ARID1A: variants seen among roughly 807,000 people sequenced by gnomAD.
The protein encoded by ARID1A is AT-rich interactive domain-containing protein 1A.
Under a neutral mutation model 212.6 loss-of-function variants are expected in ARID1A, and 20 were observed. That is an observed-to-expected ratio of 0.09 (90% confidence interval 0.07 to 0.14). ARID1A has a LOEUF of 0.14. ARID1A is among the 10% of genes least tolerant of loss of function. ARID1A has a pLI of 1.00. For missense variants in ARID1A, 2,587 were observed against 3,059.0 expected, an observed-to-expected ratio of 0.85 and a Z score of 3.64; for synonymous variants, 1,376 against 1,222.1, an observed-to-expected ratio of 1.13 and a Z score of -2.63.
rs142792458 is a variant in ARID1A, at chr1:26,732,617, G to A, written c.1804-59G>A. 543 of 1,377,634 alleles carry A rather than the reference G, an allele frequency of 3.9e-4. 1 individual carries two copies. In the African/African-American group the frequency reaches 4.8e-3, roughly 12 times the overall value. The allele number at this position is 1,377,634 out of a possible 1,614,324, so 85.3% of individuals were successfully genotyped here. On this transcript the variant is annotated intron_variant, in intron 3 of 19. Coordinates refer to ENST00000324856, the MANE Select transcript of ARID1A (RefSeq NM_006015.6). ...AGTCCCATAACCCTTTCACAGTGAA[G>A]TAAGCCTGCCTGGTTTATCAATACC... is the stretch of plus-strand genomic sequence containing the variant.
chr1:26,778,770 T>C (rs1291834960), intron 19 of ARID1A: 2 of 363,520 alleles, frequency 5.5e-6, no homozygotes, highest in East Asian at 8.2e-5. Flanking sequence ...CCCTGGTGGG[T>C]GAGGTGCAAA....
Position 26,780,877 on chromosome 1 carries a change from C to A in ARID1A, c.*121C>A. ...ATCCAGTTTACCCTGTGCTGTCCAG[C>A]TTCTCCCTTGGGAAAAAGTCTCTCC... On this transcript the variant is annotated 3_prime_UTR_variant, in exon 20 of 20. Transcript: ENST00000324856. The surrounding 1 kb of genome is among the most constrained non-coding windows in gnomAD (Gnocchi z 7.2). 7.3e-7 allele frequency: 1 copy of A among 1,378,524 alleles called. No individual in the cohort carries two copies. The highest frequency in any genetic ancestry group is 9.7e-7 in the Non-Finnish European group (1 of 1,029,596). The allele number at this position is 1,378,524 out of a possible 1,614,324, so 85.4% of individuals were successfully genotyped here.
chr1:26,758,912 C>T (rs1329448403), intron 4 of ARID1A, among the ~76,000 whole-genome samples: 2 of 152,214 alleles, frequency 1.3e-5, no homozygotes, highest in Non-Finnish European at 2.9e-5. Context: ...GCACACCTAC[C>T]TACCTGCCTT....
At chr1:26,732,524 G>A in intron 3 of ARID1A, 152 bp from the exon 4 acceptor site, 1 of 571,802 alleles carries the variant, frequency 1.7e-6, no homozygotes, top group Non-Finnish European at 3.1e-6. Context: ...ACCAGTCACA[G>A]CTTGGATTTT....
At chr1:26,717,360 C>T (rs1418750311) in intron 1 of ARID1A, among the ~76,000 whole-genome samples, 1 of 152,316 alleles carries the variant, frequency 6.6e-6, no homozygotes, top group South Asian at 2.1e-4. Context: ...ACCATTTGAA[C>T]TGTTTTGTAT....
chr1:26,772,358 A>T, intron 12 of ARID1A, 142 bp from the exon 13 acceptor site: 1 of 1,238,426 alleles, frequency 8.1e-7, no homozygotes, highest in African/African-American at 1.5e-5. Flanking sequence ...GGCCTTGTAG[A>T]TCCTCTGCTA....
At chr1:26,757,277 C>T (rs1328416697) in intron 4 of ARID1A, among the ~76,000 whole-genome samples, 1 of 148,124 alleles carries the variant, frequency 6.8e-6, no homozygotes, top group East Asian at 2.1e-4. Context: ...ACCATCCTGG[C>T]TAACATGGTG....
At chr1:26,701,414 C>T (rs948365350) in intron 1 of ARID1A, among the ~76,000 whole-genome samples, 7 of 152,174 alleles carry the variant, frequency 4.6e-5, no homozygotes, top group Middle Eastern at 6.8e-3. Flanking sequence ...TCATTACTGA[C>T]GCACACTTAC....
rs558399390 is a variant in ARID1A at position 26,718,326 on chromosome 1, T to C, written c.1138-11325T>C. Among the ~76,000 whole-genome samples, 8 of 152,298 alleles carry C rather than the reference T, an allele frequency of 5.3e-5. No individual in the cohort carries two copies. In the South Asian group the frequency reaches 1.7e-3, roughly 32 times the overall value. On this transcript the variant is annotated intron_variant, in intron 1 of 19. Transcript: ENST00000324856. ...TCGACCCTGAAGTGTGGTACTACTA[T>C]CTGTTCTGTTGATAAGGAAACAGAG...
At chr1:26,776,353 A>G (rs2081135813) in intron 19 of ARID1A, among the ~76,000 whole-genome samples, 1 of 150,568 alleles carries the variant, frequency 6.6e-6, no homozygotes, top group African/African-American at 2.5e-5. Flanking sequence ...AGCTCACTGC[A>G]ACTTCCGCCT....
At chr1:26,765,693 C>T (rs2081033146) in intron 8 of ARID1A, 2 of 151,146 alleles carry the variant, frequency 1.3e-5, no homozygotes, top group Admixed American at 1.3e-4. Context: ...GGAGAAAGCC[C>T]ATCTCTACTA....
chr1:26,734,740 G>A (rs958768433), intron 4 of ARID1A, among the ~76,000 whole-genome samples: 1 of 152,222 alleles, frequency 6.6e-6, no homozygotes, highest in Non-Finnish European at 1.5e-5. Flanking sequence ...AGCCCCATCT[G>A]AAGAAATGAC....
intron 1 of ARID1A, among the ~76,000 whole-genome samples, chr1:26,713,750 C>G (rs1455402795): frequency 2.0e-5 from 3 of 152,214 alleles, no homozygotes; most frequent in Non-Finnish European, 4.4e-5. Context: ...TAAATGGTCT[C>G]TACCTCTTCT....
intron 11 of ARID1A, chr1:26,770,291 T>A (rs2081072444): frequency 6.6e-6 from 1 of 151,960 alleles, no homozygotes; most frequent in African/African-American, 2.4e-5. Flanking sequence ...TATTTGTCAA[T>A]GAGATATGTA....
chr1:26,781,891 T>G lies in ARID1A; in HGVS notation c.*1135T>G. Reference sequence around the variant, plus strand: ...TCTTTCTAATCGAGGTGTGAAAAAGTTCTAGGTTCAGTTGAAGTTCTGATG... The same window carrying G: ...TCTTTCTAATCGAGGTGTGAAAAAGGTCTAGGTTCAGTTGAAGTTCTGATG... On this transcript the variant is annotated 3_prime_UTR_variant, in exon 20 of 20. Transcript: ENST00000324856. 8.6e-6 allele frequency: 2 copies of G among 233,710 alleles called. No homozygotes were observed. Among genetic ancestry groups the G allele is most frequent in the Non-Finnish European group, 1.7e-5 (2 of 118,050 alleles). 14.5% of individuals were successfully genotyped at this position (233,710 alleles called of 1,614,324 possible).
In ARID1A at chr1:26,779,661, C is replaced by T. The variant is rs1053680888; in HGVS notation, c.5763C>T (p.Thr1921=). The stretch of plus-strand genomic sequence containing the variant: ...ACATGTTGTCTACTCGGTCTAGCAC[C>T]TTGACCGAGGATGGAGCTAAGAGTT... ...MDDMLSTRSS[T]LTEDGAKSSE... Residue 1921 remains threonine (T), a synonymous_variant, in exon 20 of 20, where the codon ACC becomes ACT. Coordinates refer to ENST00000324856, the MANE Select transcript of ARID1A (RefSeq NM_006015.6). 1.8e-5 allele frequency: 29 copies of T among 1,614,096 alleles called. No individual in the cohort carries two copies. The highest frequency in any genetic ancestry group is 2.2e-5 in the Non-Finnish European group (26 of 1,180,008).
intron 1 of ARID1A, among the ~76,000 whole-genome samples, chr1:26,709,620 G>A (rs970624007): frequency 3.7e-5 from 5 of 136,230 alleles, no homozygotes; most frequent in African/African-American, 1.4e-4. Context: ...CTGAGTTACT[G>A]TAATGCTTTT....
chr1:26,763,874 G>A (rs1031172053), intron 8 of ARID1A, among the ~76,000 whole-genome samples: 6 of 152,122 alleles, frequency 3.9e-5, no homozygotes, highest in African/African-American at 1.4e-4. Context: ...CTGCAGCCTC[G>A]ACCTCCCAGG....
intron 4 of ARID1A, among the ~76,000 whole-genome samples, chr1:26,736,098 G>A (rs2080726789): frequency 6.6e-6 from 1 of 152,000 alleles, no homozygotes; most frequent in South Asian, 2.1e-4. Flanking sequence ...GCCAAGGCGG[G>A]CAGATCACGA....
Sources: gnomAD v4.1 joint callset for allele counts (sites outside exome capture counted in the v4.1 genomes callset) on GRCh38, gnomAD v4.1.1 for gene constraint, Gnocchi (gnomAD v3.1) non-coding constraint, MANE v1.5 for transcripts, NCBI Gene and HGNC (gene_info 2026-07-23, HGNC 2026-07-21) for gene names.